C1orf53: variants seen among roughly 807,000 people sequenced by gnomAD.
The protein encoded by C1orf53 is chromosome 1 open reading frame 53.
Under a neutral mutation model 17.5 loss-of-function variants are expected in C1orf53, and 23 were observed. The ratio of observed to expected loss-of-function variants is 1.31; its 90% CI spans 0.94 to 1.86. C1orf53 has a LOEUF of 1.86. C1orf53 is among the 40% of genes most tolerant of loss of function. The probability of loss-of-function intolerance (pLI) is 0.00; values close to 1 mark genes in which losing one functional copy is unlikely to be tolerated. For missense variants in C1orf53, 255 were observed against 193.2 expected, an observed-to-expected ratio of 1.32 and a Z score of -1.89; for synonymous variants, 108 against 81.9, an observed-to-expected ratio of 1.32 and a Z score of -1.72.
chr1:197,902,913 G>T lies in C1orf53; in HGVS notation c.264G>T (p.Ala88=), dbSNP rs749121180. ...CGGAGCTGCACGCTGCCGCCTGCGCGGTGAGACTCCCTCCTGCCCGCCCCG... is the reference window on the plus strand; with the variant it reads ...CGGAGCTGCACGCTGCCGCCTGCGCTGTGAGACTCCCTCCTGCCCGCCCCG... ...QIAELHAAAC[A]AGQLNYVDPA... The change falls in exon 1 of 3, where the codon GCG becomes GCT. Residue 88 remains alanine (A), a splice_region_variant and synonymous_variant. Transcript: ENST00000367393. 1 of 1,458,070 alleles carries T rather than the reference G, an allele frequency of 6.9e-7. No individual in the cohort carries two copies. The allele number at this position is 1,458,070 out of a possible 1,614,324, so 90.3% of individuals were successfully genotyped here. A position where few individuals can be genotyped will look rare whatever the true frequency, so the allele number is the denominator to read the frequency against.
Position 197,907,245 on chromosome 1 carries a change from A to C in C1orf53, c.*25A>C. ...ACAAGAATTTCATCTCTGTTCCCTA[A>C]CTGTGCTTGTATTTTTTAAAAAATA... is the stretch of plus-strand genomic sequence containing the variant. On this transcript the variant is annotated 3_prime_UTR_variant, in exon 3 of 3. Transcript: ENST00000367393. 1 of 1,349,210 alleles carries C rather than the reference A, an allele frequency of 7.4e-7. No individual in the cohort carries two copies. The highest frequency in any genetic ancestry group is 1.3e-5 in the South Asian group (1 of 78,206). The allele number at this position is 1,349,210 out of a possible 1,614,324, so 83.6% of individuals were successfully genotyped here.
At chr1:197,906,220 A>G (rs1659522056) in intron 2 of C1orf53, among the ~76,000 whole-genome samples, 1 of 152,238 alleles carries the variant, frequency 6.6e-6, no homozygotes, top group Admixed American at 6.5e-5. Flanking sequence ...AGAGGGCAGG[A>G]AAAGAAATCT....
intron 1 of C1orf53, among the ~76,000 whole-genome samples, chr1:197,903,694 A>T (rs969821931): frequency 6.6e-6 from 1 of 152,212 alleles, no homozygotes; most frequent in Non-Finnish European, 1.5e-5. Context: ...GACTAATATT[A>T]TATGGTATGA....
Position 197,905,902 on chromosome 1 carries a change from G to C in C1orf53, c.366+5G>C, listed in dbSNP as rs1175525389. The C allele has an allele frequency of 1.9e-6, 3 of 1,607,428 alleles. No homozygotes were observed. The highest frequency in any genetic ancestry group is 2.6e-6 in the Non-Finnish European group (3 of 1,174,270). ...TGTGGCTCTGCGTGCAGACATGTGAGTAGCAATTCTTGCATTACAGCAGCA... is the reference window on the plus strand; with the variant it reads ...TGTGGCTCTGCGTGCAGACATGTGACTAGCAATTCTTGCATTACAGCAGCA... On this transcript the variant is annotated splice_donor_5th_base_variant and intron_variant, in intron 2 of 2. Transcript: ENST00000367393.
chr1:197,903,087 G>T (rs773519561), intron 1 of C1orf53, among the ~76,000 whole-genome samples, 174 bp downstream of exon 1: 8 of 152,214 alleles, frequency 5.3e-5, no homozygotes, highest in Non-Finnish European at 1.2e-4. Context: ...TTCCAGCCCC[G>T]ACATTTTCGC....
Position 197,902,813 on chromosome 1 carries a change from G to C in C1orf53, c.164G>C (p.Ser55Thr). Reference protein sequence around the residue: ...NEGNCGGSAPSTPGRPERAAR... With the variant: ...NEGNCGGSAPTTPGRPERAAR... The stretch of plus-strand genomic sequence containing the variant: ...GGAAACTGCGGCGGCTCCGCGCCCA[G>C]CACGCCCGGTAGGCCGGAGAGAGCG... Residue 55 changes from serine to threonine, a missense_variant, in exon 1 of 3, where the codon AGC becomes ACC. Physicochemically the swap from Ser to Thr is moderately conservative, Grantham distance 58 (BLOSUM62 1). Transcript: ENST00000367393. The C allele has an allele frequency of 6.3e-7, 1 of 1,574,834 alleles. No homozygotes were observed. The highest frequency in any genetic ancestry group is 1.7e-4 in the Middle Eastern group (1 of 5,970).
chr1:197,902,727 T>A lies in C1orf53; in HGVS notation c.78T>A (p.Pro26=), dbSNP rs1183267366. 6.4e-6 allele frequency: 10 copies of A among 1,556,282 alleles called. No homozygotes were observed. The African/African-American group carries it at 1.4e-4, about 22-fold the overall frequency. ...RQPSAAPPPA[P]LWVRAGFRQQ... ...CTTCCGCCGCCCCGCCGCCAGCACC[T>A]CTCTGGGTAAGAGCTGGGTTCCGAC... Residue 26 remains proline (P), a synonymous_variant, in exon 1 of 3, where the codon CCT becomes CCA. Transcript: ENST00000367393.
intron 1 of C1orf53, 128 bp from the exon 2 acceptor site, chr1:197,905,668 C>A: frequency 1.5e-6 from 1 of 656,404 alleles, no homozygotes; most frequent in South Asian, 1.9e-5. Flanking sequence ...GCAAGTGCCA[C>A]TAAAACTGCT....
At chr1:197,903,076 C>G (rs528511364) in intron 1 of C1orf53, among the ~76,000 whole-genome samples, 163 bp downstream of exon 1, 1 of 152,356 alleles carries the variant, frequency 6.6e-6, no homozygotes, top group South Asian at 2.1e-4. Flanking sequence ...CGCACACGAA[C>G]TTCCAGCCCC....
At position 197,907,228 on chromosome 1, in the gene C1orf53, T is replaced by G. The variant is rs1659534881; in HGVS notation, c.*8T>G. The G allele has an allele frequency of 6.8e-7, 1 of 1,468,098 alleles. No individual in the cohort carries two copies. The highest frequency in any genetic ancestry group is 1.4e-5 in the African/African-American group (1 of 71,372). The allele number at this position is 1,468,098 out of a possible 1,614,324, so 90.9% of individuals were successfully genotyped here. ...TCATATTTTTATGTTTGACAAGAAT[T>G]TCATCTCTGTTCCCTAACTGTGCTT... is the stretch of plus-strand genomic sequence containing the variant. On this transcript the variant is annotated 3_prime_UTR_variant, in exon 3 of 3. Coordinates refer to ENST00000367393, the MANE Select transcript of C1orf53 (RefSeq NM_001024594.3).
At chr1:197,905,434 A>G in intron 1 of C1orf53, 1 of 158,610 alleles carries the variant, frequency 6.3e-6, no homozygotes, top group East Asian at 1.8e-4. Context: ...GTGAAAGTTC[A>G]TTTTCAGCCT....
At chr1:197,905,148 TAA>T (rs1659503073) in intron 1 of C1orf53, among the ~76,000 whole-genome samples, 1 of 152,164 alleles carries the variant, frequency 6.6e-6, no homozygotes, top group Non-Finnish European at 1.5e-5. Context: ...AATAGTACAA[TAA>T]AAGTTTCTTT....
intron 1 of C1orf53, among the ~76,000 whole-genome samples, chr1:197,904,870 T>C (rs1659496019): frequency 6.6e-6 from 1 of 150,802 alleles, no homozygotes; most frequent in African/African-American, 2.4e-5. Flanking sequence ...CAAAAATGTG[T>C]TTGTCAGAAG....
At chr1:197,903,524 C>T (rs1659472596) in intron 1 of C1orf53, among the ~76,000 whole-genome samples, 2 of 152,166 alleles carry the variant, frequency 1.3e-5, no homozygotes, top group Admixed American at 6.5e-5. Flanking sequence ...TCTCCCTTTA[C>T]GCCTTCTAAC....
At chr1:197,905,244 C>CAA (rs201785555) in intron 1 of C1orf53, among the ~76,000 whole-genome samples, 8 of 140,938 alleles carry the variant, frequency 5.7e-5, no homozygotes, top group African/African-American at 1.8e-4. Context: ...AACACACCAG[C>CAA]AAAAAAAAAA....
rs1332265980 is a variant in C1orf53 at position 197,903,008 on chromosome 1, G to C, written c.264+95G>C. The C allele has an allele frequency of 1.2e-5, 14 of 1,181,754 alleles. No homozygotes were observed. In the Admixed American group the frequency reaches 3.9e-4, roughly 33 times the overall value. The allele number at this position is 1,181,754 out of a possible 1,614,324, so 73.2% of individuals were successfully genotyped here. A position where few individuals can be genotyped will look rare whatever the true frequency, so the allele number is the denominator to read the frequency against. On this transcript the variant is annotated intron_variant, in intron 1 of 2. Coordinates refer to ENST00000367393, the MANE Select transcript of C1orf53 (RefSeq NM_001024594.3). The stretch of plus-strand genomic sequence containing the variant: ...GCCTCTCCGGACCCGGAGGCCGCCC[G>C]GCAGAGGCAAAGGTTGCTGGATACC...
chr1:197,903,934 A>G (rs1234644823), intron 1 of C1orf53, among the ~76,000 whole-genome samples: 1 of 152,248 alleles, frequency 6.6e-6, no homozygotes, highest in Admixed American at 6.5e-5. Flanking sequence ...CAATATAGAT[A>G]TGGTGGATAT....
rs764159362 is a variant in C1orf53, at chr1:197,907,166, C to T, written c.384C>T (p.Val128=). The T allele has an allele frequency of 1.9e-6, 3 of 1,575,038 alleles. No homozygotes were observed. Among genetic ancestry groups the T allele is most frequent in the South Asian group, 2.3e-5 (2 of 86,528 alleles). ...SACRHCPYGQ[V]NVKDPSKKKQ... ...TTCTGCAGTGTCCATATGGTCAAGTCAATGTTAAAGATCCATCTAAAAAGA... is the reference window on the plus strand; with the variant it reads ...TTCTGCAGTGTCCATATGGTCAAGTTAATGTTAAAGATCCATCTAAAAAGA... The change falls in exon 3 of 3, where the codon GTC becomes GTT. Residue 128 remains valine, a synonymous_variant. Transcript: ENST00000367393.
intron 1 of C1orf53, chr1:197,905,550 G>A: frequency 4.8e-6 from 2 of 415,884 alleles, no homozygotes; most frequent in Middle Eastern, 6.5e-4. Flanking sequence ...GTACAGAGGA[G>A]TTCTTGTTTT....
Sources: allele counts gnomAD v4.1 joint callset (sites outside exome capture counted in the v4.1 genomes callset), GRCh38; gene constraint gnomAD v4.1.1; transcripts MANE v1.5; gene names NCBI Gene and HGNC (gene_info 2026-07-23, HGNC 2026-07-21).